The following DMD variants were observed in gnomAD, a reference collection of about 807,000 sequenced individuals.
DMD encodes dystrophin.
DMD carries 63 observed loss-of-function variants against 330.1 expected under a neutral mutation model. The observed-to-expected ratio is 0.19, with a 90% CI of 0.16 to 0.24. The LOEUF is 0.24. Ranked by LOEUF, DMD falls within the 10% of genes least tolerant of loss-of-function variation. DMD has a pLI of 1.00. For synonymous variants in DMD, 1,223 were observed against 959.8 expected (o/e 1.27, Z -5.07); for missense variants, 3,344 against 2,684.1 (o/e 1.25, Z -5.43).
chrX:32,137,085 T>A (rs1350984178), intron 44 of DMD, among the ~76,000 whole-genome samples: 3 of 112,450 alleles, frequency 2.7e-5, no homozygotes, highest in African/African-American at 9.7e-5. Flanking sequence ...ATAAAACTTT[T>A]TTTAAAAATG....
intron 62 of DMD, chrX:31,267,052 G>A (rs369753829): frequency 2.7e-6 from 1 of 371,321 alleles, no homozygotes. Context: ...TGGGAACCCG[G>A]ACACCCAGAG....
intron 62 of DMD, among the ~76,000 whole-genome samples, chrX:31,270,204 C>T (rs1262243210): frequency 2.0e-5 from 2 of 100,701 alleles, no homozygotes; most frequent in Non-Finnish European, 4.0e-5. Flanking sequence ...TTTTTTTTCT[C>T]CTAGCCTGCC....
chrX:32,718,082 G>T (rs2065911328), intron 7 of DMD, among the ~76,000 whole-genome samples: 1 of 111,223 alleles, frequency 9.0e-6, no homozygotes, highest in African/African-American at 3.3e-5. Context: ...ATACTGGAAT[G>T]AGTTAAGACT....
rs754235701 is a variant in DMD at position 31,863,866 on chromosome X, A to G, written c.7098+11322T>C. Among the ~76,000 whole-genome samples the G allele has an allele frequency of 4.5e-5, 5 of 111,196 alleles. No individual in the cohort carries two copies. The South Asian group carries it at 1.9e-3, about 42-fold the overall frequency. On this transcript the variant is annotated intron_variant, in intron 48 of 78. Coordinates refer to ENST00000357033, the MANE Select transcript of DMD (RefSeq NM_004006.3). ...TTTATAGCATAAATATGTATCACAT[A>G]TTTATCACATTAGAATACAATTCAT... is the stretch of plus-strand genomic sequence containing the variant.
At chrX:31,294,055 A>AT (rs2053980228) in intron 62 of DMD, among the ~76,000 whole-genome samples, 1 of 112,399 alleles carries the variant, frequency 8.9e-6, no homozygotes, top group South Asian at 3.7e-4. Flanking sequence ...CAAAGCTTAG[A>AT]TAAAAAGTAG....
In DMD at chrX:31,294,333, T is replaced by A. The variant is rs958482489; in HGVS notation, c.9224+29265A>T. ...GGGATATTGTAAGAATCAAGTGTGA[T>A]AATAGAGGTGAAAGTGTTCGATAAA... On this transcript the variant is annotated intron_variant, in intron 62 of 78. Transcript: ENST00000357033. 6.4e-4 allele frequency among the ~76,000 whole-genome samples: 72 copies of A among 111,901 alleles called. 1 individual carries two copies. Among genetic ancestry groups the A allele is most frequent in the Admixed American group, 4.7e-4 (5 of 10,593 alleles).
chrX:32,203,103 C>T (rs1392126576), intron 44 of DMD, among the ~76,000 whole-genome samples: 4 of 112,094 alleles, frequency 3.6e-5, no homozygotes, highest in Non-Finnish European at 7.5e-5. Context: ...GCCTGGGATC[C>T]CAAAGCTTTT....
chrX:33,155,885 C>T lies in DMD; in HGVS notation c.31+55397G>A, dbSNP rs189513309. On this transcript the variant is annotated intron_variant, in intron 1 of 78. Transcript: ENST00000357033. ...TTGAGGCTTCAGTGAGCAGATCGCG[C>T]CACCACGCTTCAGCCCAAGTGACAG... is the stretch of plus-strand genomic sequence containing the variant. Among the ~76,000 whole-genome samples the T allele has an allele frequency of 6.3e-5, 7 of 110,953 alleles. No individual in the cohort carries two copies. The Admixed American group carries it at 6.8e-4, about 11-fold the overall frequency.
At chrX:31,970,561 T>G (rs1406212381) in intron 44 of DMD, among the ~76,000 whole-genome samples, 2 of 110,279 alleles carry the variant, frequency 1.8e-5, no homozygotes, top group African/African-American at 6.6e-5. Context: ...CTGGGTCAAT[T>G]TGGAATTTAA....
rs769660508 is a variant in DMD, at chrX:31,718,527, A to G, written c.7660+11104T>C. ...TTGGAGGTGGGGCCTTTGAGAAATA[A>G]TAAGGGTTAGATGAGGTCATAGGTT... On this transcript the variant is annotated intron_variant, in intron 52 of 78. Coordinates refer to ENST00000357033, the MANE Select transcript of DMD (RefSeq NM_004006.3). Among the ~76,000 whole-genome samples, 68 of 110,995 alleles carry G rather than the reference A, an allele frequency of 6.1e-4. 1 individual carries two copies. The highest frequency in any genetic ancestry group is 2.8e-3 in the Admixed American group (29 of 10,357).
intron 23 of DMD, 88 bp downstream of exon 23, chrX:32,468,410 T>A (rs1478670774): frequency 1.1e-5 from 9 of 831,666 alleles, no homozygotes; most frequent in South Asian, 6.9e-5. Flanking sequence ...GAAGGTCAAA[T>A]GCTTATGTAC....
chrX:31,602,143 A>C (rs1197415011), intron 55 of DMD, among the ~76,000 whole-genome samples: 1 of 111,044 alleles, frequency 9.0e-6, no homozygotes, highest in Non-Finnish European at 1.9e-5. Flanking sequence ...CCAAGCAGTT[A>C]ATACTACTTC....
intron 2 of DMD, among the ~76,000 whole-genome samples, chrX:32,885,932 A>G (rs2084517548): frequency 9.1e-6 from 1 of 109,877 alleles, no homozygotes; most frequent in South Asian, 3.9e-4. Context: ...ATTAGTCACA[A>G]TAAAACTCAC....
intron 53 of DMD, among the ~76,000 whole-genome samples, chrX:31,662,035 A>G (rs1411641736): frequency 3.6e-5 from 4 of 111,757 alleles, no homozygotes; most frequent in African/African-American, 1.3e-4. Context: ...TAGAAAAGAG[A>G]GGAGGAAGAG....
intron 78 of DMD, among the ~76,000 whole-genome samples, chrX:31,123,373 A>T (rs2033107842): frequency 8.9e-6 from 1 of 112,527 alleles, no homozygotes; most frequent in African/African-American, 3.2e-5. Flanking sequence ...GACTGCAAGT[A>T]TAAAAATTTT....
intron 53 of DMD, among the ~76,000 whole-genome samples, chrX:31,677,058 T>C (rs2082120269): frequency 2.8e-5 from 1 of 35,501 alleles, no homozygotes; most frequent in Non-Finnish European, 4.8e-5. Flanking sequence ...TTTTAGACCA[T>C]TCCAAAGCGT....
At chrX:31,992,993 C>T (rs2150323922) in intron 44 of DMD, among the ~76,000 whole-genome samples, 1 of 111,862 alleles carries the variant, frequency 8.9e-6, no homozygotes, top group Admixed American at 9.5e-5. Context: ...TTTGCATTTA[C>T]ATCTAAGCAG....
chrX:32,863,925 G>A (rs889634123), intron 2 of DMD, among the ~76,000 whole-genome samples: 12 of 111,707 alleles, frequency 1.1e-4, no homozygotes, highest in African/African-American at 3.9e-4. Context: ...TCTACAGGAA[G>A]TTCCAAATCA....
At chrX:31,202,763 A>C (rs1365889634) in intron 67 of DMD, among the ~76,000 whole-genome samples, 1 of 112,014 alleles carries the variant, frequency 8.9e-6, no homozygotes, top group Admixed American at 9.5e-5. Context: ...ACTTGAAAAA[A>C]CCAAAAACAA....
Sources: allele counts gnomAD v4.1 joint callset (sites outside exome capture counted in the v4.1 genomes callset), GRCh38; gene constraint gnomAD v4.1.1; transcripts MANE v1.5; gene names NCBI Gene and HGNC (gene_info 2026-07-23, HGNC 2026-07-21).